PHF21B: variants seen among roughly 807,000 people sequenced by gnomAD.
PHF21B encodes PHD finger protein 4.
Under a neutral mutation model 62.2 loss-of-function variants are expected in PHF21B, and 22 were observed. The observed-to-expected ratio is 0.35, with a 90% CI of 0.25 to 0.51. PHF21B has a LOEUF of 0.51. Among genes scored for constraint, PHF21B ranks in the 20% least tolerant of loss-of-function variants. The pLI is 0.97. For synonymous variants in PHF21B, 341 were observed against 314.7 expected (o/e 1.08, Z -0.88); for missense variants, 701 against 707.9 (o/e 0.99, Z 0.11).
rs189332222 is a variant in PHF21B, at chr22:44,919,139, A to G, written c.213+1259T>C. Reference sequence around the variant, plus strand: ...AGCTCAAGCACTACCTCCTCCAGGAAGCCTTCCTTGATGCCCAGGTGTGTG... The same window carrying G: ...AGCTCAAGCACTACCTCCTCCAGGAGGCCTTCCTTGATGCCCAGGTGTGTG... On this transcript the variant is annotated intron_variant, in intron 3 of 12. Transcript: ENST00000313237. Among the ~76,000 whole-genome samples the G allele has an allele frequency of 1.1e-3, 174 of 152,272 alleles. 1 individual carries two copies. Among genetic ancestry groups the G allele is most frequent in the Middle Eastern group, 3.4e-3 (1 of 294 alleles).
At chr22:44,891,631 C>T (rs537803656) in intron 7 of PHF21B, among the ~76,000 whole-genome samples, 3 of 152,310 alleles carry the variant, frequency 2.0e-5, no homozygotes, top group East Asian at 3.9e-4. Context: ...CCCATGGGTG[C>T]GTCTAGCTCA....
At chr22:44,928,278 C>T (rs1000747080) in intron 2 of PHF21B, among the ~76,000 whole-genome samples, 20 of 152,290 alleles carry the variant, frequency 1.3e-4, no homozygotes, top group Admixed American at 6.5e-4. Context: ...CCTCGAACTG[C>T]CAGGCCACAG....
rs1601595328 is a variant in PHF21B, at chr22:44,916,218, T to C, written c.564+62A>G. On this transcript the variant is annotated intron_variant, in intron 4 of 12. Transcript: ENST00000313237. ...TGTTCATTTGGCCCTTCCCAAATGATTGCTCTCGGCCTCCTGTATGCGGCC... is the reference window on the plus strand; with the variant it reads ...TGTTCATTTGGCCCTTCCCAAATGACTGCTCTCGGCCTCCTGTATGCGGCC... 4.7e-6 allele frequency: 7 copies of C among 1,489,856 alleles called. No individual in the cohort carries two copies. In the South Asian group the frequency reaches 7.5e-5, roughly 16 times the overall value. 92.3% of individuals were successfully genotyped at this position (1,489,856 alleles called of 1,614,324 possible).
chr22:44,904,845 G>A (rs1262336004), intron 5 of PHF21B, among the ~76,000 whole-genome samples: 3 of 93,144 alleles, frequency 3.2e-5, no homozygotes, highest in African/African-American at 8.1e-5. Flanking sequence ...GCTAGTCTTA[G>A]CTTAGACAGG....
intron 2 of PHF21B, among the ~76,000 whole-genome samples, chr22:44,941,978 G>A (rs764035082): frequency 1.3e-5 from 2 of 152,160 alleles, no homozygotes; most frequent in Non-Finnish European, 2.9e-5. Context: ...ACTTCCCAGA[G>A]GAGATGACAA....
chr22:44,889,666 G>C, intron 9 of PHF21B, 94 bp downstream of exon 9: 2 of 1,444,526 alleles, frequency 1.4e-6, no homozygotes, highest in South Asian at 2.7e-5. Context: ...ACCACTCCGG[G>C]CTCTTTCCCT....
chr22:44,999,320 A>G (rs2073171760), intron 2 of PHF21B, among the ~76,000 whole-genome samples: 1 of 152,220 alleles, frequency 6.6e-6, no homozygotes, highest in Non-Finnish European at 1.5e-5. Context: ...AAAGGAGAGC[A>G]GAACGCAAGC....
chr22:44,938,542 A>C (rs1022769368), intron 2 of PHF21B, among the ~76,000 whole-genome samples: 4 of 152,194 alleles, frequency 2.6e-5, no homozygotes, highest in African/African-American at 9.7e-5. Context: ...AAATCTATAT[A>C]TTTTAAGAAG....
intron 2 of PHF21B, chr22:44,933,516 G>A (rs1003876671): frequency 2.0e-6 from 2 of 985,438 alleles, no homozygotes; most frequent in Non-Finnish European, 2.4e-6. Context: ...TTCTGCCCGC[G>A]ATCTGGGGAA....
rs543933878 is a variant in PHF21B at position 44,926,234 on chromosome 22, C to T, written c.121-5744G>A. ...GAAGGCCCACACGGCATGTGGGTTC[C>T]TGGGGAAGCAGGTTCTGTGGCGGGA... On this transcript the variant is annotated intron_variant, in intron 2 of 12. Coordinates refer to ENST00000313237, the MANE Select transcript of PHF21B (RefSeq NM_138415.5). Among the ~76,000 whole-genome samples the T allele has an allele frequency of 4.6e-5, 7 of 151,812 alleles. No individual in the cohort carries two copies. The East Asian group carries it at 1.4e-3, about 29-fold the overall frequency.
chr22:44,930,075 AAG>A (rs136688), intron 2 of PHF21B, among the ~76,000 whole-genome samples: 1,725 of 152,340 alleles, frequency 0.011, 16 homozygotes, highest in East Asian at 0.048. Context: ...CCGGGTCACC[AAG>A]AGTGTGGAAG....
rs58426065 is a variant in PHF21B at position 44,960,956 on chromosome 22, ATTTTT to A, written c.121-40471_121-40467del. Among the ~76,000 whole-genome samples, 5 of 120,892 alleles carry A rather than the reference ATTTTT, an allele frequency of 4.1e-5. No individual in the cohort carries two copies. In the South Asian group the frequency reaches 8.3e-4, roughly 20 times the overall value. 79.3% of individuals were successfully genotyped at this position (120,892 alleles called of 152,430 possible). A position where few individuals can be genotyped will look rare whatever the true frequency, so the allele number is the denominator to read the frequency against. On this transcript the variant is annotated intron_variant, in intron 2 of 12. Coordinates refer to ENST00000313237, the MANE Select transcript of PHF21B (RefSeq NM_138415.5). ...TGTCCCTTCAAAATCACGTGAGTTG[ATTTTT>A]TTTTTTTTTTTTTGAGAAGGAGTCT...
chr22:45,007,291 G>C (rs1404103591), intron 2 of PHF21B, among the ~76,000 whole-genome samples: 3 of 151,770 alleles, frequency 2.0e-5, no homozygotes, highest in Non-Finnish European at 2.9e-5. Context: ...GACTCGACAC[G>C]AACGCCCGGC....
At chr22:44,945,856 G>GGGGCTCA (rs1432160249) in intron 2 of PHF21B, among the ~76,000 whole-genome samples, 1 of 152,098 alleles carries the variant, frequency 6.6e-6, no homozygotes, top group Admixed American at 6.5e-5. Flanking sequence ...AGAACTCTTT[G>GGGGCTCA]GGCCTCAGGC....
chr22:44,907,902 C>T (rs568362849), intron 5 of PHF21B, among the ~76,000 whole-genome samples: 6 of 152,158 alleles, frequency 3.9e-5, no homozygotes, highest in African/African-American at 4.8e-5. Flanking sequence ...CACAATCCCA[C>T]GGTCCACTGA....
intron 7 of PHF21B, among the ~76,000 whole-genome samples, chr22:44,892,960 T>G (rs713945): frequency 0.97 from 147,497 of 152,142 alleles, 71,534 homozygotes; most frequent in African/African-American, 0.99. Context: ...CATCCCTGGG[T>G]ATGGACGCTC....
chr22:44,941,865 G>A (rs958830281), intron 2 of PHF21B, among the ~76,000 whole-genome samples: 10 of 152,194 alleles, frequency 6.6e-5, no homozygotes, highest in Non-Finnish European at 1.2e-4. Context: ...CCCAGGTACA[G>A]GGGACACAGC....
intron 5 of PHF21B, among the ~76,000 whole-genome samples, chr22:44,899,255 A>G (rs1362467391): frequency 2.0e-5 from 3 of 151,206 alleles, no homozygotes; most frequent in Admixed American, 6.6e-5. Flanking sequence ...TTTCCTACTT[A>G]AATCTATGAC....
At chr22:44,907,948 G>A (rs987057978) in intron 5 of PHF21B, among the ~76,000 whole-genome samples, 2 of 152,226 alleles carry the variant, frequency 1.3e-5, no homozygotes, top group Non-Finnish European at 2.9e-5. Context: ...GGGGCGCTGG[G>A]GGGGTGAGGC....
Sources: allele counts gnomAD v4.1 joint callset (sites outside exome capture counted in the v4.1 genomes callset), GRCh38; gene constraint gnomAD v4.1.1; transcripts MANE v1.5; gene names NCBI Gene and HGNC (gene_info 2026-07-23, HGNC 2026-07-21).